Variants in GNAL observed in about 807,000 individuals in gnomAD.
GNAL encodes the protein guanine nucleotide-binding protein G(olf) subunit alpha.
In GNAL, 18 loss-of-function variants were observed where a neutral mutation model predicts 55.1. The ratio of observed to expected loss-of-function variants is 0.33; its 90% CI spans 0.23 to 0.48. GNAL has a LOEUF of 0.48. Ranked by LOEUF, GNAL falls within the 20% of genes least tolerant of loss-of-function variation. The pLI, the probability that GNAL is intolerant of heterozygous loss-of-function variation, is 0.99. For missense variants in GNAL, 412 were observed against 614.1 expected (o/e 0.67, Z 3.48); for synonymous variants, 253 against 237.0 (o/e 1.07, Z -0.62).
intron 5 of GNAL, among the ~76,000 whole-genome samples, chr18:11,827,918 C>G (rs1207273591): frequency 6.6e-6 from 1 of 151,080 alleles, no homozygotes; most frequent in Non-Finnish European, 1.5e-5. Flanking sequence ...TTGCAGTGAG[C>G]CGAGATCGCG....
intron 1 of GNAL, among the ~76,000 whole-genome samples, chr18:11,710,286 A>G (rs773443986): frequency 6.6e-6 from 1 of 152,202 alleles, no homozygotes; most frequent in Non-Finnish European, 1.5e-5. Context: ...ATCGGCATAC[A>G]CTGGCTTCAT....
In GNAL at chr18:11,881,253, G is replaced by A. The variant is rs1417984380; in HGVS notation, c.*118G>A. On this transcript the variant is annotated 3_prime_UTR_variant, in exon 12 of 12. Transcript: ENST00000334049. The surrounding 1 kb of genome is among the most constrained non-coding windows in gnomAD (Gnocchi z 4.8). The stretch of plus-strand genomic sequence containing the variant: ...CTCGCTGCCGTCTGTCCCGTTCTGT[G>A]TCGACCACCAAGCCTCTGGCTACCT... 3 of 1,047,534 alleles carry A rather than the reference G, an allele frequency of 2.9e-6. No homozygotes were observed. Among genetic ancestry groups the A allele is most frequent in the Non-Finnish European group, 4.1e-6 (3 of 739,080 alleles). 64.9% of individuals were successfully genotyped at this position (1,047,534 alleles called of 1,614,324 possible). A position where few individuals can be genotyped will look rare whatever the true frequency, so the allele number is the denominator to read the frequency against.
intron 4 of GNAL, among the ~76,000 whole-genome samples, chr18:11,817,035 G>A (rs1337944260): frequency 2.6e-5 from 4 of 152,118 alleles, no homozygotes; most frequent in South Asian, 2.1e-4. Context: ...GGCACCTTTC[G>A]TGTGATAGAG....
chr18:11,750,705 C>G (rs2143076688), intron 1 of GNAL, among the ~76,000 whole-genome samples: 1 of 152,212 alleles, frequency 6.6e-6, no homozygotes, highest in East Asian at 1.9e-4. Flanking sequence ...CTGCCAGGTA[C>G]TGAGGTGGGA....
In GNAL at chr18:11,757,812, G is replaced by A. The variant is rs1050766620; in HGVS notation, c.624+3867G>A. ...TGCAGAAGGAAGGGATGTCAGCGGTGGGCAGTGCTGACCGGGGAGTCAAGA... is the reference window on the plus strand; with the variant it reads ...TGCAGAAGGAAGGGATGTCAGCGGTAGGCAGTGCTGACCGGGGAGTCAAGA... On this transcript the variant is annotated intron_variant, in intron 4 of 11. Coordinates refer to ENST00000334049, the MANE Select transcript of GNAL (RefSeq NM_182978.4). Among the ~76,000 whole-genome samples the A allele has an allele frequency of 5.3e-5, 8 of 152,148 alleles. No individual in the cohort carries two copies. In the East Asian group the frequency reaches 1.5e-3, roughly 29 times the overall value.
chr18:11,716,297 C>CG (rs2031963721), intron 1 of GNAL, among the ~76,000 whole-genome samples: 1 of 151,862 alleles, frequency 6.6e-6, no homozygotes, highest in African/African-American at 2.4e-5. Flanking sequence ...TTCCTTCTGA[C>CG]GTTCGGATGT....
intron 1 of GNAL, among the ~76,000 whole-genome samples, chr18:11,744,643 C>G (rs577840285): frequency 5.4e-4 from 83 of 152,346 alleles, no homozygotes; most frequent in African/African-American, 1.7e-3. Context: ...TTGCAACTCT[C>G]GGGCTATAGC....
In GNAL at chr18:11,846,302, C is replaced by T. The variant is rs1212239432; in HGVS notation, c.723-16093C>T. 3.3e-5 allele frequency among the ~76,000 whole-genome samples: 5 copies of T among 151,910 alleles called. No individual in the cohort carries two copies. The East Asian group carries it at 7.7e-4, about 23-fold the overall frequency. Reference sequence around the variant, plus strand: ...CACATCACCAAGAGGAATAATAAACCGTGCATTTAAACTGCAGATGGAGGA... The same window carrying T: ...CACATCACCAAGAGGAATAATAAACTGTGCATTTAAACTGCAGATGGAGGA... On this transcript the variant is annotated intron_variant, in intron 5 of 11. Coordinates refer to ENST00000334049, the MANE Select transcript of GNAL (RefSeq NM_182978.4).
rs1301406822 is a variant in GNAL, at chr18:11,689,640, C to T, written c.77C>T (p.Pro26Leu). The change falls in exon 1 of 12, where the codon CCG (proline) becomes CTG (leucine). Residue 26 changes from proline to leucine, a missense_variant. Pro to Leu is a moderately conservative substitution (Grantham distance 98). This residue lies in a region of GNAL where 228 missense variants were observed against 194.8 expected (regional missense o/e 1.17). Transcript: ENST00000334049. ...GDDPCAASEP[P>L]VEDAQPAPAP... ...GACCCCTGCGCGGCCTCGGAGCCGC[C>T]GGTGGAGGACGCGCAGCCCGCCCCG... The T allele has an allele frequency of 1.4e-6, 2 of 1,383,774 alleles. No individual in the cohort carries two copies. Among genetic ancestry groups the T allele is most frequent in the African/African-American group, 1.5e-5 (1 of 65,244 alleles). 85.7% of individuals were successfully genotyped at this position (1,383,774 alleles called of 1,614,324 possible). A position where few individuals can be genotyped will look rare whatever the true frequency, so the allele number is the denominator to read the frequency against.
At chr18:11,745,886 G>A (rs115843847) in intron 1 of GNAL, 3,054 of 194,290 alleles carry the variant, frequency 0.016, 79 homozygotes, top group African/African-American at 0.059. Context: ...TGAATAGTGA[G>A]ATAATCGTCA....
At chr18:11,861,380 C>T (rs1181165376) in intron 5 of GNAL, among the ~76,000 whole-genome samples, 1 of 152,138 alleles carries the variant, frequency 6.6e-6, no homozygotes, top group Non-Finnish European at 1.5e-5. Flanking sequence ...TCTCAGCCCT[C>T]AATGGTCACC....
chr18:11,730,638 C>T (rs1412167157), intron 1 of GNAL, among the ~76,000 whole-genome samples: 2 of 151,944 alleles, frequency 1.3e-5, no homozygotes, highest in Non-Finnish European at 2.9e-5. Flanking sequence ...GTGGCATGCA[C>T]CTGTAGTCCC....
At chr18:11,744,202 T>C (rs561081757) in intron 1 of GNAL, among the ~76,000 whole-genome samples, 145 of 152,326 alleles carry the variant, frequency 9.5e-4, no homozygotes, top group African/African-American at 3.3e-3. Flanking sequence ...TTTTGGTTTT[T>C]AAAGCTGTGA....
At chr18:11,760,235 G>A (rs961497223) in intron 4 of GNAL, among the ~76,000 whole-genome samples, 3 of 152,208 alleles carry the variant, frequency 2.0e-5, no homozygotes, top group African/African-American at 7.2e-5. Flanking sequence ...GGCACAAGAA[G>A]TCAGGGGACA....
chr18:11,873,218 A>G (rs1241458190), intron 10 of GNAL, among the ~76,000 whole-genome samples: 5 of 152,256 alleles, frequency 3.3e-5, no homozygotes, highest in Admixed American at 2.6e-4. Context: ...TGGAAAATAT[A>G]GTTAAGATTT....
intron 5 of GNAL, among the ~76,000 whole-genome samples, chr18:11,845,629 T>C (rs2035715123): frequency 6.6e-6 from 1 of 151,976 alleles, no homozygotes; most frequent in South Asian, 2.1e-4. Context: ...CAAAATGCTC[T>C]CCAACTAGAG....
At chr18:11,843,875 A>C (rs1161194656) in intron 5 of GNAL, among the ~76,000 whole-genome samples, 1 of 152,144 alleles carries the variant, frequency 6.6e-6, no homozygotes, top group Non-Finnish European at 1.5e-5. Flanking sequence ...TGGGAGGCTG[A>C]GGCAGGAGAA....
intron 1 of GNAL, among the ~76,000 whole-genome samples, chr18:11,742,861 C>G (rs1261728295): frequency 6.6e-6 from 1 of 152,244 alleles, no homozygotes; most frequent in Non-Finnish European, 1.5e-5. Context: ...TCCTGGCACA[C>G]TGCCCTCTGA....
At chr18:11,699,449 TG>T (rs2031505301) in intron 1 of GNAL, among the ~76,000 whole-genome samples, 1 of 151,778 alleles carries the variant, frequency 6.6e-6, no homozygotes, top group Non-Finnish European at 1.5e-5. Flanking sequence ...TCCTGACCTC[TG>T]GGGATCCACC....
Sources: gnomAD v4.1 joint callset for allele counts (sites outside exome capture counted in the v4.1 genomes callset) on GRCh38, gnomAD v4.1.1 for gene constraint, gnomAD v4.1.1 regional missense constraint, Gnocchi (gnomAD v3.1) non-coding constraint, MANE v1.5 for transcripts, NCBI Gene and HGNC (gene_info 2026-07-23, HGNC 2026-07-21) for gene names.